The following UNC13B variants were observed in gnomAD, a reference collection of about 807,000 sequenced individuals.
The protein encoded by UNC13B is unc-13 homolog B.
A neutral mutation model predicts 211.0 loss-of-function variants in UNC13B; 144 were observed. That is an observed-to-expected ratio of 0.68 (90% confidence interval 0.60 to 0.78). The LOEUF is 0.78. Among genes scored for constraint, UNC13B ranks in the 30% least tolerant of loss-of-function variants. The pLI, the probability that UNC13B is intolerant of heterozygous loss-of-function variation, is 0.00. For missense variants in UNC13B, 1,777 were observed against 2,002.0 expected (o/e 0.89, Z 2.14); for synonymous variants, 709 against 725.8 (o/e 0.98, Z 0.37).
intron 11 of UNC13B, among the ~76,000 whole-genome samples, chr9:35,329,698 A>C (rs1831258376): frequency 6.6e-6 from 1 of 152,048 alleles, no homozygotes; most frequent in Non-Finnish European, 1.5e-5. Context: ...TATGTTGCCC[A>C]GGCTGGTCTC....
chr9:35,205,347 T>G (rs1823583848), intron 1 of UNC13B, among the ~76,000 whole-genome samples: 1 of 152,134 alleles, frequency 6.6e-6, no homozygotes, highest in Non-Finnish European at 1.5e-5. Flanking sequence ...ATACATGCCC[T>G]TTTGGTTTAC....
chr9:35,198,832 T>A (rs1285332654), intron 1 of UNC13B, among the ~76,000 whole-genome samples: 1 of 152,202 alleles, frequency 6.6e-6, no homozygotes, highest in African/African-American at 2.4e-5. Context: ...GGAGGCATTA[T>A]GTCTCTGCCC....
intron 6 of UNC13B, among the ~76,000 whole-genome samples, chr9:35,249,315 C>A (rs977510657): frequency 6.6e-6 from 1 of 152,118 alleles, no homozygotes; most frequent in Non-Finnish European, 1.5e-5. Flanking sequence ...ATCCAATTTG[C>A]CAGTCTGTGT....
intron 21 of UNC13B, 82 bp downstream of exon 21, chr9:35,382,589 G>A: frequency 6.8e-7 from 1 of 1,464,840 alleles, no homozygotes; most frequent in Non-Finnish European, 9.2e-7. Flanking sequence ...TTGAGACAGA[G>A]TCTCGCTCTG....
intron 1 of UNC13B, among the ~76,000 whole-genome samples, chr9:35,193,619 T>C (rs1822774991): frequency 6.9e-6 from 1 of 144,536 alleles, no homozygotes; most frequent in Non-Finnish European, 1.5e-5. Context: ...GACTGCACAA[T>C]TGCACTCCAG....
At chr9:35,364,713 C>A in intron 11 of UNC13B, 3 of 987,496 alleles carry the variant, frequency 3.0e-6, no homozygotes, top group Non-Finnish European at 4.3e-6. Flanking sequence ...TTGGCTCATG[C>A]AGTCTATTTT....
rs372094156 is a variant in UNC13B, at chr9:35,342,297, AT to A, written c.9415-24639del. ...TAAAACTTGAGAATTCATGGTTTTA[AT>A]TTTTTTTTTTAATTTCCTTAACCCT... On this transcript the variant is annotated intron_variant, in intron 11 of 39. Coordinates refer to ENST00000635942, the MANE Select transcript of UNC13B (RefSeq NM_001371189.2). 975 of 826,956 alleles carry A rather than the reference AT, an allele frequency of 1.2e-3. 3 individuals carry two copies. Among genetic ancestry groups the A allele is most frequent in the Middle Eastern group, 4.8e-3 (8 of 1,654 alleles). The allele number at this position is 826,956 out of a possible 1,614,324, so 51.2% of individuals were successfully genotyped here.
rs560374206 is a variant in UNC13B at position 35,260,921 on chromosome 9, G to A, written c.526+1871G>A. Among the ~76,000 whole-genome samples, 53 of 152,228 alleles carry A rather than the reference G, an allele frequency of 3.5e-4. No individual in the cohort carries two copies. The South Asian group carries it at 7.5e-3, about 21-fold the overall frequency. On this transcript the variant is annotated intron_variant, in intron 7 of 39. Coordinates refer to ENST00000635942, the MANE Select transcript of UNC13B (RefSeq NM_001371189.2). Reference sequence around the variant, plus strand: ...CTCATTGATGAAATATAATTGAAGCGATTAAAGCGCAAATGCCAAGAGGGC... The same window carrying A: ...CTCATTGATGAAATATAATTGAAGCAATTAAAGCGCAAATGCCAAGAGGGC...
intron 11 of UNC13B, 21 bp from the exon 12 acceptor site, chr9:35,366,926 G>A: frequency 6.2e-7 from 1 of 1,610,952 alleles, no homozygotes; most frequent in Non-Finnish European, 8.5e-7. Flanking sequence ...GATCTAACTT[G>A]TTTCCTATCT....
chr9:35,212,884 T>A (rs1824047378), intron 1 of UNC13B, among the ~76,000 whole-genome samples: 1 of 152,186 alleles, frequency 6.6e-6, no homozygotes, highest in Non-Finnish European at 1.5e-5. Context: ...CACCCCCTAA[T>A]AAATAGCCCA....
intron 3 of UNC13B, among the ~76,000 whole-genome samples, chr9:35,232,603 CA>C (rs1455290332): frequency 6.6e-6 from 1 of 151,988 alleles, no homozygotes; most frequent in African/African-American, 2.4e-5. Flanking sequence ...GAAGTAGAAC[CA>C]AAACATTTTC....
intron 7 of UNC13B, among the ~76,000 whole-genome samples, chr9:35,294,945 G>A (rs571914257): frequency 1.3e-5 from 2 of 152,362 alleles, no homozygotes; most frequent in South Asian, 4.1e-4. Context: ...AGTCACTGCT[G>A]TTGGATAAAC....
chr9:35,266,806 T>G (rs1398627776), intron 7 of UNC13B, among the ~76,000 whole-genome samples: 2 of 152,236 alleles, frequency 1.3e-5, no homozygotes, highest in Non-Finnish European at 2.9e-5. Flanking sequence ...ATTTATTATG[T>G]CCATCTGTTT....
chr9:35,352,460 A>G (rs1299400683), intron 11 of UNC13B: 1 of 1,232,026 alleles, frequency 8.1e-7, no homozygotes, highest in Non-Finnish European at 1.0e-6. Flanking sequence ...ACAGGGTAAT[A>G]AGAATCCCCA....
chr9:35,335,823 G>A (rs1416264028), intron 11 of UNC13B, among the ~76,000 whole-genome samples: 1 of 151,860 alleles, frequency 6.6e-6, no homozygotes, highest in Non-Finnish European at 1.5e-5. Flanking sequence ...CAAGTAGCTG[G>A]GATTAGAATA....
At chr9:35,255,153 G>T (rs759365004) in intron 6 of UNC13B, among the ~76,000 whole-genome samples, 1 of 142,540 alleles carries the variant, frequency 7.0e-6, no homozygotes, top group Non-Finnish European at 1.5e-5. Flanking sequence ...GAGTGCAGTG[G>T]CACTCCAGTG....
At chr9:35,270,394 A>G (rs1367857538) in intron 7 of UNC13B, among the ~76,000 whole-genome samples, 1 of 152,224 alleles carries the variant, frequency 6.6e-6, no homozygotes, top group East Asian at 1.9e-4. Context: ...GCACATATAT[A>G]TACACATATA....
intron 15 of UNC13B, 35 bp from the exon 16 acceptor site, chr9:35,377,432 TG>T: frequency 6.2e-7 from 1 of 1,606,812 alleles, no homozygotes; most frequent in Non-Finnish European, 8.5e-7. Context: ...ACCCTTGGTC[TG>T]GTAGGTGACC....
chr9:35,363,489 C>A (rs1297364146), intron 11 of UNC13B, among the ~76,000 whole-genome samples: 1 of 152,164 alleles, frequency 6.6e-6, no homozygotes, highest in Non-Finnish European at 1.5e-5. Context: ...TGGAGCTGCA[C>A]TGTTTTGGAG....
Sources: allele counts gnomAD v4.1 joint callset (sites outside exome capture counted in the v4.1 genomes callset), GRCh38; gene constraint gnomAD v4.1.1; transcripts MANE v1.5; gene names NCBI Gene and HGNC (gene_info 2026-07-23, HGNC 2026-07-21).